Variants in MAP3K9 observed in about 807,000 individuals in gnomAD.
MAP3K9 encodes mixed lineage kinase 1 (tyr and ser/thr specificity).
Under a neutral mutation model 95.8 loss-of-function variants are expected in MAP3K9, and 46 were observed. The ratio of observed to expected loss-of-function variants is 0.48; its 90% CI spans 0.38 to 0.61. The LOEUF is 0.61. Ranked by LOEUF, MAP3K9 falls within the 20% of genes least tolerant of loss-of-function variation. The probability of loss-of-function intolerance (pLI) is 0.00; values close to 1 mark genes in which losing one functional copy is unlikely to be tolerated. For synonymous variants in MAP3K9, 533 were observed against 593.8 expected (o/e 0.90, Z 1.49); for missense variants, 1,296 against 1,474.3 (o/e 0.88, Z 1.98).
intron 2 of MAP3K9, among the ~76,000 whole-genome samples, chr14:70,789,135 CAG>C (rs1485703632): frequency 6.6e-6 from 1 of 152,202 alleles, no homozygotes; most frequent in African/African-American, 2.4e-5. Context: ...CTGCATTTTT[CAG>C]AGGACCAAGC....
intron 6 of MAP3K9, among the ~76,000 whole-genome samples, chr14:70,740,699 G>A (rs1241175817): frequency 6.6e-6 from 1 of 152,188 alleles, no homozygotes; most frequent in Non-Finnish European, 1.5e-5. Flanking sequence ...GGAAGTTACA[G>A]TACAGCATAA....
intron 2 of MAP3K9, among the ~76,000 whole-genome samples, chr14:70,766,636 T>C (rs2054459638): frequency 6.6e-6 from 1 of 152,164 alleles, no homozygotes; most frequent in Non-Finnish European, 1.5e-5. Context: ...GCAGTAGGTG[T>C]AATTATTTTC....
chr14:70,737,494 CA>C (rs2139718026), intron 8 of MAP3K9, among the ~76,000 whole-genome samples: 1 of 152,284 alleles, frequency 6.6e-6, no homozygotes, highest in Non-Finnish European at 1.5e-5. Flanking sequence ...ATTTGACCCC[CA>C]GGACTCAAGC....
At position 70,794,990 on chromosome 14, in the gene MAP3K9, C is replaced by CTTTTTTTT. The variant is rs572010694; in HGVS notation, c.820+5669_820+5676dup. 5.3e-4 allele frequency among the ~76,000 whole-genome samples: 41 copies of CTTTTTTTT among 76,816 alleles called. 3 individuals carry two copies. The highest frequency in any genetic ancestry group is 1.5e-3 in the African/African-American group (29 of 18,864). The allele number at this position is 76,816 out of a possible 152,430, so 50.4% of individuals were successfully genotyped here. On this transcript the variant is annotated intron_variant, in intron 2 of 11. Coordinates refer to ENST00000554752, the MANE Select transcript of MAP3K9 (RefSeq NM_001284230.2). ...CCGTGACCAGCCTCTTTTTCTTTTC[C>CTTTTTTTT]TTTTTTTTTTTTTTTTTTTTTGAGA...
At position 70,732,551 on chromosome 14, in the gene MAP3K9, T is replaced by C. The variant is rs948860949; in HGVS notation, c.2818A>G (p.Ser940Gly). The C allele has an allele frequency of 1.3e-6, 2 of 1,575,870 alleles. No individual in the cohort carries two copies. Among genetic ancestry groups the C allele is most frequent in the Non-Finnish European group, 1.7e-6 (2 of 1,161,432 alleles). The change falls in exon 11 of 12, where the codon AGT (serine) becomes GGT (glycine). Residue 940 changes from serine to glycine, a missense_variant. Transcript: ENST00000554752. ...GAAGAAGACTCACCTGCTCCAGGAC[T>C]GGGGCTCAACCCATTGCTGGAGGGG... Reference protein sequence around the residue: ...RSPSSNGLSPSPGAGMLKTPS... With the variant: ...RSPSSNGLSPGPGAGMLKTPS...
Position 70,732,707 on chromosome 14 carries a change from A to T in MAP3K9, c.2662T>A (p.Phe888Ile). 1 of 1,601,364 alleles carries T rather than the reference A, an allele frequency of 6.2e-7. No individual in the cohort carries two copies. Among genetic ancestry groups the T allele is most frequent in the Non-Finnish European group, 8.5e-7 (1 of 1,171,330 alleles). Residue 888 changes from phenylalanine (F) to isoleucine (I), a missense_variant, in exon 11 of 12, where the codon TTC becomes ATC. Phe to Ile is a conservative substitution (Grantham distance 21). Around this residue, in one of 5 missense-constraint regions of MAP3K9, gnomAD observed 433 missense variants for 441.4 expected, o/e 0.98. Transcript: ENST00000554752. ...NPLVNVRVER[F>I]KRDPNQSLTP... ...AGAGATTGGTTAGGATCTCGTTTGA[A>T]GCGCTCTACTCGGACATTGACCAGG... is the stretch of plus-strand genomic sequence containing the variant.
Position 70,730,519 on chromosome 14 carries a change from G to C in MAP3K9, c.3176C>G (p.Pro1059Arg). ...GAGCGTCCGCTCAGTCGGGGGCAGC[G>C]GCCCTGCCTGGAACGGGAGCAGGGC... Reference protein sequence around the residue: ...LPALLPFQAGPLPPTERTLLD... With the variant: ...LPALLPFQAGRLPPTERTLLD... Residue 1059 changes from proline (P) to arginine (R), a missense_variant, in exon 12 of 12, where the codon CCG becomes CGG. This residue lies in a region of MAP3K9 where 433 missense variants were observed against 441.4 expected (regional missense o/e 0.98). Coordinates refer to ENST00000554752, the MANE Select transcript of MAP3K9 (RefSeq NM_001284230.2). 1 of 1,613,936 alleles carries C rather than the reference G, an allele frequency of 6.2e-7. No individual in the cohort carries two copies. The highest frequency in any genetic ancestry group is 1.1e-5 in the South Asian group (1 of 91,082).
chr14:70,780,541 C>T (rs763218946), intron 2 of MAP3K9, among the ~76,000 whole-genome samples: 1 of 152,194 alleles, frequency 6.6e-6, no homozygotes. Context: ...CTCTCTCTAA[C>T]ATCCTAAAAT....
chr14:70,749,947 G>A lies in MAP3K9; in HGVS notation c.1136C>T (p.Ala379Val), dbSNP rs749264998. 14 of 1,614,086 alleles carry A rather than the reference G, an allele frequency of 8.7e-6. No individual in the cohort carries two copies. The highest frequency in any genetic ancestry group is 1.6e-4 in the Middle Eastern group (1 of 6,084). ...GGCTTACTTACCTTCCATGAGTTTG[G>A]CAAAAGGTTCTGGGCACGTAGAAGG... ...PIPSTCPEPF[A>V]KLMEDCWNPD... The change falls in exon 4 of 12, where the codon GCC (alanine) becomes GTC (valine). Residue 379 changes from alanine to valine, a missense_variant. Around this residue, in one of 5 missense-constraint regions of MAP3K9, gnomAD observed 136 missense variants for 221.5 expected, o/e 0.61. Coordinates refer to ENST00000554752, the MANE Select transcript of MAP3K9 (RefSeq NM_001284230.2).
At chr14:70,740,953 G>C (rs776551320) in intron 6 of MAP3K9, among the ~76,000 whole-genome samples, 6 of 152,126 alleles carry the variant, frequency 3.9e-5, no homozygotes, top group Admixed American at 2.0e-4. Flanking sequence ...GTGCAGCAAG[G>C]GGACCAGCAA....
intron 2 of MAP3K9, among the ~76,000 whole-genome samples, chr14:70,798,675 T>C (rs968144541): frequency 2.6e-5 from 4 of 151,594 alleles, no homozygotes; most frequent in African/African-American, 9.7e-5. Flanking sequence ...AGACGGGGTT[T>C]CACCGTTTTA....
At position 70,730,021 on chromosome 14, in the gene MAP3K9, C is replaced by T. The variant is rs193107738; in HGVS notation, c.*359G>A. ...ACAAAGGGACCCTATGACAGCTCTG[C>T]GCACACCCAACTGGCTGAGGAGAGG... On this transcript the variant is annotated 3_prime_UTR_variant, in exon 12 of 12. Transcript: ENST00000554752. 88 of 253,270 alleles carry T rather than the reference C, an allele frequency of 3.5e-4. No homozygotes were observed. Among genetic ancestry groups the T allele is most frequent in the Admixed American group, 1.3e-3 (26 of 19,914 alleles). The allele number at this position is 253,270 out of a possible 1,614,324, so 15.7% of individuals were successfully genotyped here.
Position 70,732,903 on chromosome 14 carries a change from C to T in MAP3K9, c.2466G>A (p.Met822Ile). 6.2e-7 allele frequency: 1 copy of T among 1,613,934 alleles called. No homozygotes were observed. Among genetic ancestry groups the T allele is most frequent in the Non-Finnish European group, 8.5e-7 (1 of 1,179,868 alleles). ...SRKLFKKEEP[M>I]LLLGDPSASL... ...AGGCAGAGGGGTCTCCTAGCAACAG[C>T]ATGGGCTCCTCCTTCTTGAAAAGCT... Residue 822 changes from methionine to isoleucine, a missense_variant, in exon 11 of 12, where the codon ATG becomes ATA. By Grantham distance (10) the Met-to-Ile change is conservative. Around this residue, in one of 5 missense-constraint regions of MAP3K9, gnomAD observed 433 missense variants for 441.4 expected, o/e 0.98. Transcript: ENST00000554752.
In MAP3K9 at chr14:70,732,627, C is replaced by A; in HGVS notation, c.2742G>T (p.Arg914=). The A allele has an allele frequency of 4.4e-6, 7 of 1,606,788 alleles. No individual in the cohort carries two copies. The highest frequency in any genetic ancestry group is 6.0e-6 in the Non-Finnish European group (7 of 1,176,160). ...GCTTAAGGGCCCCATCAGAAGGAGT[C>A]CGCCGGTGACTGCTGGGCTGCGAGG... The part of the protein sequence containing the change: ...TTPSQPSSHR[R]TPSDGALKPE... The change falls in exon 11 of 12, where the codon CGG becomes CGT. Residue 914 remains arginine (R), a synonymous_variant. Coordinates refer to ENST00000554752, the MANE Select transcript of MAP3K9 (RefSeq NM_001284230.2).
At position 70,730,336 on chromosome 14, in the gene MAP3K9, A is replaced by G; in HGVS notation, c.*44T>C. On this transcript the variant is annotated 3_prime_UTR_variant, in exon 12 of 12. Transcript: ENST00000554752. ...AGGGCTGTGCCCGCCAGCTCCCCTCATCTCCGCTGGCTGTCCCCCTTGCCC... is the reference window on the plus strand; with the variant it reads ...AGGGCTGTGCCCGCCAGCTCCCCTCGTCTCCGCTGGCTGTCCCCCTTGCCC... 6.4e-7 allele frequency: 1 copy of G among 1,568,960 alleles called. No homozygotes were observed. Among genetic ancestry groups the G allele is most frequent in the Non-Finnish European group, 8.7e-7 (1 of 1,152,652 alleles).
intron 8 of MAP3K9, among the ~76,000 whole-genome samples, chr14:70,736,488 GATAGA>G (rs2053988088): frequency 6.6e-6 from 1 of 152,026 alleles, no homozygotes; most frequent in Non-Finnish European, 1.5e-5. Flanking sequence ...CTCAAGTCTG[GATAGA>G]ATATACTTTT....
intron 5 of MAP3K9, among the ~76,000 whole-genome samples, chr14:70,747,937 T>C (rs912784820): frequency 2.6e-5 from 4 of 151,926 alleles, no homozygotes; most frequent in African/African-American, 4.8e-5. Context: ...TGAAACCCCA[T>C]CTCAACTAAA....
In MAP3K9 at chr14:70,746,356, T is replaced by C. The variant is rs182945714; in HGVS notation, c.1326+2473A>G. On this transcript the variant is annotated intron_variant, in intron 5 of 11. Coordinates refer to ENST00000554752, the MANE Select transcript of MAP3K9 (RefSeq NM_001284230.2). ...ATATATGCCTATGACACCATTCACC[T>C]GGAGGACCCTTAGACATGTTGAATC... Among the ~76,000 whole-genome samples the C allele has an allele frequency of 9.2e-5, 14 of 152,336 alleles. No homozygotes were observed. The East Asian group carries it at 2.5e-3, about 27-fold the overall frequency.
intron 2 of MAP3K9, among the ~76,000 whole-genome samples, chr14:70,776,770 C>T (rs1294254671): frequency 6.6e-6 from 1 of 152,072 alleles, no homozygotes; most frequent in Non-Finnish European, 1.5e-5. Context: ...AATCCTCTCC[C>T]ATCAGCCCTT....
Sources: gnomAD v4.1 joint callset for allele counts (sites outside exome capture counted in the v4.1 genomes callset) on GRCh38, gnomAD v4.1.1 for gene constraint, gnomAD v4.1.1 regional missense constraint, MANE v1.5 for transcripts, NCBI Gene and HGNC (gene_info 2026-07-23, HGNC 2026-07-21) for gene names.